Variants in MAT1A observed in about 807,000 individuals in gnomAD.
MAT1A encodes S-adenosylmethionine synthase isoform type-1.
MAT1A carries 19 observed loss-of-function variants against 44.0 expected under a neutral mutation model. The ratio of observed to expected loss-of-function variants is 0.43; its 90% CI spans 0.30 to 0.63. MAT1A has a LOEUF of 0.63. Ranked by LOEUF, MAT1A falls within the 30% of genes least tolerant of loss-of-function variation. The pLI, the probability that MAT1A is intolerant of heterozygous loss-of-function variation, is 0.12. For synonymous variants in MAT1A, 205 were observed against 205.6 expected (o/e 1.00, Z 0.03); for missense variants, 397 against 531.0 (o/e 0.75, Z 2.48).
At chr10:80,276,012 G>A (rs936263133) in intron 6 of MAT1A, among the ~76,000 whole-genome samples, 5 of 152,198 alleles carry the variant, frequency 3.3e-5, no homozygotes, top group African/African-American at 7.2e-5. Flanking sequence ...ACAGCCACCC[G>A]GGAACAGCTG....
chr10:80,274,878 A>G, intron 7 of MAT1A, 139 bp downstream of exon 7: 2 of 1,253,110 alleles, frequency 1.6e-6, no homozygotes, highest in Non-Finnish European at 2.2e-6. Flanking sequence ...CCCTGGCCAC[A>G]GTGCCCAACA....
At chr10:80,280,344 G>A (rs146238877) in intron 4 of MAT1A, 28 bp from the exon 5 acceptor site, 43 of 1,612,598 alleles carry the variant, frequency 2.7e-5, no homozygotes, top group East Asian at 4.5e-5. Flanking sequence ...GCTGAGCGGC[G>A]CCCACCCTAG....
chr10:80,273,506 G>T lies in MAT1A; in HGVS notation c.*275C>A. The T allele has an allele frequency of 2.2e-6, 1 of 446,140 alleles. No homozygotes were observed. The highest frequency in any genetic ancestry group is 4.2e-6 in the Non-Finnish European group (1 of 239,602). 27.6% of individuals were successfully genotyped at this position (446,140 alleles called of 1,614,324 possible). A position where few individuals can be genotyped will look rare whatever the true frequency, so the allele number is the denominator to read the frequency against. The stretch of plus-strand genomic sequence containing the variant: ...ACGAGTGAGGGAATTCACTCTTGAC[G>T]GGGGTGCCTTTTCCACTAAATTAAC... On this transcript the variant is annotated 3_prime_UTR_variant, in exon 9 of 9. Coordinates refer to ENST00000372213, the MANE Select transcript of MAT1A (RefSeq NM_000429.3).
At position 80,280,305 on chromosome 10, in the gene MAT1A, G is replaced by A. The variant is rs369884238; in HGVS notation, c.417C>T (p.Phe139=). Residue 139 remains phenylalanine (F), a synonymous_variant, in exon 5 of 9, where the codon TTC becomes TTT. Coordinates refer to ENST00000372213, the MANE Select transcript of MAT1A (RefSeq NM_000429.3). ...DVGAGDQGLM[F]GYATDETEEC... ...CCTCTGTCTCGTCGGTAGCATAGCCGAACATCAAACCCTGTGGCGAGAGAG... is the reference window on the plus strand; with the variant it reads ...CCTCTGTCTCGTCGGTAGCATAGCCAAACATCAAACCCTGTGGCGAGAGAG... The A allele has an allele frequency of 1.1e-4, 171 of 1,613,924 alleles. 1 individual carries two copies. The highest frequency in any genetic ancestry group is 1.3e-4 in the Admixed American group (8 of 60,006).
rs372701798 is a variant in MAT1A, at chr10:80,284,010, C to T, written c.198G>A (p.Leu66=). Residue 66 remains leucine, a synonymous_variant, in exon 3 of 9, where the codon CTG becomes CTA. Transcript: ENST00000372213. ...CCATTGAGGTGATCTCACCACACAG[C>T]AGCACCATGCCGGTCTTGCACACTG... ...CETVCKTGMV[L]LCGEITSMAM... 3.7e-6 allele frequency: 6 copies of T among 1,614,088 alleles called. No individual in the cohort carries two copies. In the Admixed American group the frequency reaches 1.0e-4, roughly 27 times the overall value.
rs765732735 is a variant in MAT1A, at chr10:80,276,612, G to C, written c.550-18C>G. ...ACTGTCACCTGTCCATCAGAAGGGT[G>C]GGGGAGATACTGTGAGGCTGAGGCT... On this transcript the variant is annotated intron_variant, in intron 5 of 8. Transcript: ENST00000372213. 6.2e-7 allele frequency: 1 copy of C among 1,605,888 alleles called. No homozygotes were observed. Among genetic ancestry groups the C allele is most frequent in the South Asian group, 1.1e-5 (1 of 91,048 alleles).
chr10:80,276,309 G>T, intron 6 of MAT1A, 67 bp downstream of exon 6: 2 of 1,519,506 alleles, frequency 1.3e-6, no homozygotes, highest in Non-Finnish European at 1.8e-6. Flanking sequence ...AGGTTTTCCT[G>T]CTCTGAGACA....
At chr10:80,279,281 G>C (rs900451579) in intron 5 of MAT1A, among the ~76,000 whole-genome samples, 7 of 152,132 alleles carry the variant, frequency 4.6e-5, no homozygotes, top group Non-Finnish European at 1.0e-4. Flanking sequence ...TGCTTGATGG[G>C]GTAAACTGGG....
chr10:80,274,464 G>C, intron 8 of MAT1A, 56 bp downstream of exon 8: 1 of 1,610,942 alleles, frequency 6.2e-7, no homozygotes, highest in Non-Finnish European at 8.5e-7. Flanking sequence ...GGTGAGGTGA[G>C]CATCTGGGCA....
Position 80,274,898 on chromosome 10 carries a change from A to G in MAT1A, c.951+119T>C. On this transcript the variant is annotated intron_variant, in intron 7 of 8. Transcript: ENST00000372213. ...GCCACAGTGCCCAACACAATCACAC[A>G]ATCACAACCTTTGGCAAAGCATGCA... The G allele has an allele frequency of 5.9e-6, 8 of 1,348,382 alleles. No individual in the cohort carries two copies. In the South Asian group the frequency reaches 1.0e-4, roughly 17 times the overall value. The allele number at this position is 1,348,382 out of a possible 1,614,324, so 83.5% of individuals were successfully genotyped here.
chr10:80,274,368 C>T, intron 8 of MAT1A, 152 bp downstream of exon 8: 1 of 1,132,518 alleles, frequency 8.8e-7, no homozygotes, highest in East Asian at 2.4e-5. Flanking sequence ...GCTTTCTGCA[C>T]TGGGGATGCA....
chr10:80,274,995 G>T, intron 7 of MAT1A, 22 bp downstream of exon 7: 1 of 1,549,714 alleles, frequency 6.5e-7, no homozygotes, highest in Non-Finnish European at 8.7e-7. Flanking sequence ...CAACAGGACG[G>T]TGGTGGGTGG....
chr10:80,276,324 C>T (rs1358224805), intron 6 of MAT1A, 52 bp downstream of exon 6: 2 of 1,583,174 alleles, frequency 1.3e-6, no homozygotes, highest in East Asian at 2.2e-5. Flanking sequence ...GAGACATAAG[C>T]AACCCCAGTA....
At chr10:80,280,492 G>C (rs1052099863) in intron 4 of MAT1A, among the ~76,000 whole-genome samples, 176 bp from the exon 5 acceptor site, 2 of 152,162 alleles carry the variant, frequency 1.3e-5, no homozygotes, top group Non-Finnish European at 2.9e-5. Context: ...CTCTAGGAGG[G>C]GGAGACAAGC....
chr10:80,285,408 G>T, intron 2 of MAT1A, 104 bp downstream of exon 2: 2 of 921,106 alleles, frequency 2.2e-6, no homozygotes, highest in Non-Finnish European at 3.6e-6. Flanking sequence ...AGAGGACATG[G>T]ATTTTGGAAC....
In MAT1A at chr10:80,275,193, C is replaced by T; in HGVS notation, c.775G>A (p.Ala259Thr). 1.9e-6 allele frequency: 3 copies of T among 1,612,602 alleles called. No individual in the cohort carries two copies. The highest frequency in any genetic ancestry group is 2.5e-6 in the Non-Finnish European group (3 of 1,179,378). The change falls in exon 7 of 9, where the codon GCG becomes ACG. Residue 259 changes from alanine (A) to threonine (T), a missense_variant. Ala to Thr is a moderately conservative substitution (Grantham distance 58). Transcript: ENST00000372213. ...RFVIGGPQGD[A>T]GVTGRKIIVD... is the part of the protein sequence containing the mutation. The stretch of plus-strand genomic sequence containing the variant: ...ATAATCTTACGGCCAGTGACACCCG[C>T]ATCCCCCTGCAGAGGGAGAGAAATC...
In MAT1A at chr10:80,273,768, G is replaced by C; in HGVS notation, c.*13C>G. ...TGCCTCCAGGGTGAGACCAGGCCCA[G>C]CTCCCCCTGGCTCTAAAATACAAGC... On this transcript the variant is annotated 3_prime_UTR_variant, in exon 9 of 9. Transcript: ENST00000372213. 3 of 1,589,026 alleles carry C rather than the reference G, an allele frequency of 1.9e-6. No individual in the cohort carries two copies. Among genetic ancestry groups the C allele is most frequent in the Non-Finnish European group, 2.6e-6 (3 of 1,158,308 alleles).
intron 6 of MAT1A, among the ~76,000 whole-genome samples, chr10:80,276,059 G>T (rs1221009825): frequency 3.3e-5 from 5 of 152,346 alleles, no homozygotes; most frequent in Non-Finnish European, 7.3e-5. Flanking sequence ...ATGTGCACCA[G>T]AGCAGGGTGA....
intron 6 of MAT1A, 99 bp downstream of exon 6, chr10:80,276,277 A>AC: frequency 8.2e-7 from 1 of 1,223,576 alleles, no homozygotes; most frequent in Non-Finnish European, 1.2e-6. Context: ...GAGTCAGCTG[A>AC]CCCCCTCCAA....
Sources: allele counts gnomAD v4.1 joint callset (sites outside exome capture counted in the v4.1 genomes callset), GRCh38; gene constraint gnomAD v4.1.1; transcripts MANE v1.5; gene names NCBI Gene and HGNC (gene_info 2026-07-23, HGNC 2026-07-21).